The following PCNX1 variants were observed in gnomAD, a reference collection of about 807,000 sequenced individuals.
PCNX1 encodes pecanex 1.
A neutral mutation model predicts 242.2 loss-of-function variants in PCNX1; 78 were observed. The ratio of observed to expected loss-of-function variants is 0.32; its 90% CI spans 0.27 to 0.39. The LOEUF (loss-of-function observed/expected upper bound fraction) is 0.39. Ranked by LOEUF, PCNX1 falls within the 10% of genes least tolerant of loss-of-function variation. PCNX1 has a pLI of 1.00. For synonymous variants in PCNX1, 1,024 were observed against 1,032.9 expected, an observed-to-expected ratio of 0.99 and a Z score of 0.17; for missense variants, 2,581 against 2,856.5, an observed-to-expected ratio of 0.90 and a Z score of 2.20.
Position 71,102,160 on chromosome 14 carries a change from C to T in PCNX1, c.5760C>T (p.Gly1920=). The T allele has an allele frequency of 6.2e-7, 1 of 1,614,050 alleles. No homozygotes were observed. The change falls in exon 31 of 36, where the codon GGC becomes GGT. Residue 1920 remains glycine, a synonymous_variant. Transcript: ENST00000304743. ...LLALRHVMDD[G]TNEYKIIMLN... is the part of the protein sequence containing the mutation. ...CTCTGCGGCATGTCATGGATGATGG[C>T]ACCAATGAATATAAAATCATCATGC...
intron 3 of PCNX1, among the ~76,000 whole-genome samples, chr14:70,967,474 G>A (rs2139990295): frequency 6.6e-6 from 1 of 152,276 alleles, no homozygotes; most frequent in South Asian, 2.1e-4. Flanking sequence ...TGTGGAATTT[G>A]TGGTATTTAT....
intron 7 of PCNX1, among the ~76,000 whole-genome samples, chr14:70,990,712 GT>G (rs1475639489): frequency 6.6e-6 from 1 of 152,074 alleles, no homozygotes; most frequent in Non-Finnish European, 1.5e-5. Flanking sequence ...AGAAACACTT[GT>G]TCTAGAAACC....
chr14:71,068,388 A>G (rs972901722), intron 26 of PCNX1, among the ~76,000 whole-genome samples: 2 of 150,118 alleles, frequency 1.3e-5, no homozygotes, highest in Non-Finnish European at 3.0e-5. Flanking sequence ...ATATGTGTGT[A>G]TATTTATGTA....
intron 19 of PCNX1, among the ~76,000 whole-genome samples, chr14:71,040,549 G>A (rs2060673986): frequency 6.6e-6 from 1 of 151,854 alleles, no homozygotes; most frequent in African/African-American, 2.4e-5. Context: ...TTCATAATGG[G>A]TGTATATTTT....
intron 33 of PCNX1, among the ~76,000 whole-genome samples, chr14:71,108,207 A>G (rs1161852137): frequency 6.6e-6 from 1 of 152,148 alleles, no homozygotes; most frequent in East Asian, 1.9e-4. Flanking sequence ...AATCCTTCTG[A>G]CTGTCTCATT....
intron 22 of PCNX1, among the ~76,000 whole-genome samples, chr14:71,050,163 TTC>T (rs1491013008): frequency 7.0e-5 from 8 of 113,688 alleles, no homozygotes; most frequent in African/African-American, 3.2e-4. Flanking sequence ...TTGATTTTTT[TTC>T]TTTTTTTTTA....
chr14:70,984,775 C>T (rs1045136741), intron 6 of PCNX1, among the ~76,000 whole-genome samples: 2 of 152,036 alleles, frequency 1.3e-5, no homozygotes, highest in Admixed American at 1.3e-4. Flanking sequence ...CCATTACCTC[C>T]TACCTCATTA....
intron 27 of PCNX1, among the ~76,000 whole-genome samples, chr14:71,074,035 T>G (rs1271860978): frequency 1.3e-5 from 2 of 152,240 alleles, no homozygotes; most frequent in Non-Finnish European, 2.9e-5. Context: ...GCTAGACATT[T>G]GTAGCTTGTG....
chr14:70,960,142 A>T (rs1291559601), intron 2 of PCNX1, among the ~76,000 whole-genome samples: 1 of 120,134 alleles, frequency 8.3e-6, no homozygotes, highest in African/African-American at 3.1e-5. Context: ...CCTTTGTCAG[A>T]TGAGTAGGTT....
chr14:71,109,546 G>A lies in PCNX1; in HGVS notation c.6839G>A (p.Arg2280Lys). 1 of 1,614,126 alleles carries A rather than the reference G, an allele frequency of 6.2e-7. No homozygotes were observed. Among genetic ancestry groups the A allele is most frequent in the South Asian group, 1.1e-5 (1 of 91,082 alleles). The change falls in exon 35 of 36, where the codon AGA becomes AAA. Residue 2280 changes from arginine (R) to lysine (K), a missense_variant. Arg to Lys is a conservative substitution (Grantham distance 26, BLOSUM62 2). Coordinates refer to ENST00000304743, the MANE Select transcript of PCNX1 (RefSeq NM_014982.3). ...GAAGGAATCCGGTTAAAAGCTGGGAGAAATAGCTGGAAAGACTGGAGTCCG... is the reference window on the plus strand; with the variant it reads ...GAAGGAATCCGGTTAAAAGCTGGGAAAAATAGCTGGAAAGACTGGAGTCCG... ...PDEGIRLKAG[R>K]NSWKDWSPQE...
chr14:71,038,044 C>A (rs1372964962), intron 19 of PCNX1, among the ~76,000 whole-genome samples: 1 of 64,374 alleles, frequency 1.6e-5, no homozygotes, highest in African/African-American at 6.6e-5. Context: ...AAACTGGATC[C>A]CTTCCTTACA....
At position 70,963,559 on chromosome 14, in the gene PCNX1, A is replaced by G. The variant is rs1339306161; in HGVS notation, c.468+1228A>G. ...AGAACAATGTTATGAAAAACACTATATGAATCAAAATCTTGAACAGGGTCT... is the reference window on the plus strand; with the variant it reads ...AGAACAATGTTATGAAAAACACTATGTGAATCAAAATCTTGAACAGGGTCT... On this transcript the variant is annotated intron_variant, in intron 3 of 35. Transcript: ENST00000304743. Among the ~76,000 whole-genome samples the G allele has an allele frequency of 2.0e-5, 3 of 152,220 alleles. No homozygotes were observed. In the East Asian group the frequency reaches 5.8e-4, roughly 29 times the overall value.
Position 71,109,519 on chromosome 14 carries a change from A to G in PCNX1, c.6812A>G (p.Asp2271Gly). 1 of 1,614,108 alleles carries G rather than the reference A, an allele frequency of 6.2e-7. No individual in the cohort carries two copies. The highest frequency in any genetic ancestry group is 8.5e-7 in the Non-Finnish European group (1 of 1,179,930). Reference sequence around the variant, plus strand: ...AAAAGGAAAGAGCTACAGTGGCCTGATGAAGGAATCCGGTTAAAAGCTGGG... The same window carrying G: ...AAAAGGAAAGAGCTACAGTGGCCTGGTGAAGGAATCCGGTTAAAAGCTGGG... The part of the protein sequence containing the change: ...LSKRKELQWP[D>G]EGIRLKAGRN... The change falls in exon 35 of 36, where the codon GAT (aspartate) becomes GGT (glycine). Residue 2271 changes from aspartate (D) to glycine (G), a missense_variant. By Grantham distance (94) the Asp-to-Gly change is moderately conservative. Transcript: ENST00000304743.
At chr14:71,072,853 CA>C (rs2061618178) in intron 26 of PCNX1, among the ~76,000 whole-genome samples, 1 of 152,228 alleles carries the variant, frequency 6.6e-6, no homozygotes, top group African/African-American at 2.4e-5. Context: ...ACTTCAATAA[CA>C]TTCCACTGGT....
At chr14:70,942,308 A>G (rs1345271649) in intron 1 of PCNX1, among the ~76,000 whole-genome samples, 1 of 152,244 alleles carries the variant, frequency 6.6e-6, no homozygotes, top group Non-Finnish European at 1.5e-5. Context: ...TTTAACAATA[A>G]TTAAAAAGGT....
chr14:71,053,439 T>C, intron 24 of PCNX1: 1 of 364,000 alleles, frequency 2.7e-6, no homozygotes, highest in South Asian at 2.1e-5. Context: ...TGCCTCAGCC[T>C]CCCGAGTAGC....
intron 2 of PCNX1, among the ~76,000 whole-genome samples, chr14:70,961,936 G>A (rs907011123): frequency 2.6e-5 from 4 of 152,022 alleles, no homozygotes; most frequent in Non-Finnish European, 5.9e-5. Context: ...AACATATTTA[G>A]TATGCTATAA....
chr14:70,963,328 T>G (rs574528454), intron 3 of PCNX1, among the ~76,000 whole-genome samples: 1 of 152,284 alleles, frequency 6.6e-6, no homozygotes, highest in African/African-American at 2.4e-5. Flanking sequence ...CAGAGTAGAT[T>G]TTCCTCTTTT....
intron 12 of PCNX1, 80 bp downstream of exon 12, chr14:71,019,242 A>T: frequency 1.9e-6 from 2 of 1,073,900 alleles, no homozygotes; most frequent in Non-Finnish European, 2.7e-6. Context: ...TTACTGAATT[A>T]TAGTAAGATA....
Sources: gnomAD v4.1 joint callset for allele counts (sites outside exome capture counted in the v4.1 genomes callset) on GRCh38, gnomAD v4.1.1 for gene constraint, MANE v1.5 for transcripts, NCBI Gene and HGNC (gene_info 2026-07-23, HGNC 2026-07-21) for gene names.